CACNA2D3: variants seen among roughly 807,000 people sequenced by gnomAD.
CACNA2D3 encodes the protein calcium voltage-gated channel auxiliary subunit alpha2delta 3, also known as voltage-dependent calcium channel subunit alpha-2/delta-3.
Under a neutral mutation model 160.6 loss-of-function variants are expected in CACNA2D3, and 60 were observed. The observed-to-expected ratio is 0.37, with a 90% CI of 0.30 to 0.46. CACNA2D3 has a LOEUF of 0.46. CACNA2D3 is among the 20% of genes least tolerant of loss of function. The pLI is 1.00. For missense variants in CACNA2D3, 1,205 were observed against 1,365.0 expected (o/e 0.88, Z 1.85); for synonymous variants, 558 against 492.9 (o/e 1.13, Z -1.75).
intron 3 of CACNA2D3, among the ~76,000 whole-genome samples, chr3:54,334,427 C>T (rs1704331348): frequency 6.6e-6 from 1 of 152,164 alleles, no homozygotes; most frequent in South Asian, 2.1e-4. Context: ...AACAGGTTCA[C>T]TTTGGAAGGG....
intron 4 of CACNA2D3, among the ~76,000 whole-genome samples, chr3:54,489,563 A>G (rs1368071593): frequency 1.3e-5 from 2 of 152,232 alleles, no homozygotes; most frequent in African/African-American, 4.8e-5. Flanking sequence ...AAACTTGACT[A>G]TAATCTGGGT....
chr3:54,203,192 C>T (rs1325465143), intron 2 of CACNA2D3, among the ~76,000 whole-genome samples: 1 of 152,188 alleles, frequency 6.6e-6, no homozygotes, highest in Non-Finnish European at 1.5e-5. Context: ...TGGGTGGGCA[C>T]CATCCAATCC....
chr3:55,015,147 G>A (rs1369859334), intron 34 of CACNA2D3, among the ~76,000 whole-genome samples: 2 of 152,294 alleles, frequency 1.3e-5, no homozygotes, highest in Non-Finnish European at 2.9e-5. Context: ...CAATTATCAG[G>A]CTTATTCAAA....
intron 5 of CACNA2D3, among the ~76,000 whole-genome samples, chr3:54,537,495 A>G (rs1387869818): frequency 6.6e-6 from 1 of 152,128 alleles, no homozygotes; most frequent in East Asian, 1.9e-4. Flanking sequence ...ATGCACTTGC[A>G]GGGAAACAGC....
At chr3:54,710,747 A>G (rs1442859281) in intron 11 of CACNA2D3, among the ~76,000 whole-genome samples, 1 of 152,240 alleles carries the variant, frequency 6.6e-6, no homozygotes, top group African/African-American at 2.4e-5. Context: ...ACTGGTAATT[A>G]GAATATTAAT....
At chr3:54,790,006 G>C (rs747204720) in intron 13 of CACNA2D3, 5 of 369,314 alleles carry the variant, frequency 1.4e-5, no homozygotes, top group Non-Finnish European at 2.7e-5. Context: ...TGTATAATGA[G>C]GAATGATTTC....
At chr3:54,868,252 T>TA in intron 17 of CACNA2D3, among the ~76,000 whole-genome samples, 1 of 152,308 alleles carries the variant, frequency 6.6e-6, no homozygotes, top group African/African-American at 2.4e-5. Context: ...GCTTATTCTC[T>TA]AAAAAAGACC....
At chr3:54,758,293 T>A (rs1702013070) in intron 12 of CACNA2D3, among the ~76,000 whole-genome samples, 1 of 152,176 alleles carries the variant, frequency 6.6e-6, no homozygotes. Context: ...ATTTTTAACA[T>A]GGAGTTAGAA....
intron 11 of CACNA2D3, among the ~76,000 whole-genome samples, chr3:54,739,865 A>G (rs1356045908): frequency 6.6e-6 from 1 of 152,052 alleles, no homozygotes; most frequent in Non-Finnish European, 1.5e-5. Context: ...ATAAAGAAAT[A>G]CATATATTTT....
intron 11 of CACNA2D3, among the ~76,000 whole-genome samples, chr3:54,665,786 G>GT (rs1329555582): frequency 4.0e-5 from 6 of 150,380 alleles, no homozygotes; most frequent in African/African-American, 1.5e-4. Context: ...ACAGAGGATG[G>GT]TTATTTTTTT....
chr3:55,000,801 T>G (rs1702964677), intron 31 of CACNA2D3, among the ~76,000 whole-genome samples: 1 of 152,062 alleles, frequency 6.6e-6, no homozygotes, highest in Non-Finnish European at 1.5e-5. Flanking sequence ...GAAAGTTGAT[T>G]CTGGACATTG....
intron 2 of CACNA2D3, among the ~76,000 whole-genome samples, chr3:54,172,406 T>A (rs192550624): frequency 1.1e-4 from 16 of 152,252 alleles, no homozygotes; most frequent in Non-Finnish European, 1.5e-5. Flanking sequence ...ATGTAAACTC[T>A]CCCTAAATCT....
At chr3:54,358,459 G>A (rs1355886163) in intron 3 of CACNA2D3, among the ~76,000 whole-genome samples, 1 of 152,202 alleles carries the variant, frequency 6.6e-6, no homozygotes, top group Non-Finnish European at 1.5e-5. Flanking sequence ...AGTCACTTTG[G>A]CAGGCCACTC....
rs1491160047 is a variant in CACNA2D3, at chr3:54,822,790, C to CTTTCTTTCTTTTCTTTCTTTT, written c.1398+5920_1398+5921insTTTCTTTCTTTTCTTTCTTTT. ...TCTTTCTTTCTTTCTTTCTTTCTTTCCTTTCTTTCTTTCTTTCTTTCTTTC... is the reference window on the plus strand; with the variant it reads ...TCTTTCTTTCTTTCTTTCTTTCTTTCTTTCTTTCTTTTCTTTCTTTTCTTTCTTTCTTTCTTTCTTTCTTTC... On this transcript the variant is annotated intron_variant, in intron 14 of 37. Transcript: ENST00000474759. Among the ~76,000 whole-genome samples, 10 of 71,960 alleles carry CTTTCTTTCTTTTCTTTCTTTT rather than the reference C, an allele frequency of 1.4e-4. 1 individual carries two copies. The highest frequency in any genetic ancestry group is 5.8e-4 in the African/African-American group (10 of 17,276). The allele number at this position is 71,960 out of a possible 152,430, so 47.2% of individuals were successfully genotyped here.
chr3:54,429,568 G>A (rs920347123), intron 4 of CACNA2D3, among the ~76,000 whole-genome samples: 4 of 152,260 alleles, frequency 2.6e-5, no homozygotes, highest in African/African-American at 9.6e-5. Context: ...CTTCTCAGCT[G>A]TGGCTGAGGA....
intron 12 of CACNA2D3, among the ~76,000 whole-genome samples, chr3:54,762,960 T>C (rs1452154898): frequency 2.0e-5 from 3 of 151,330 alleles, no homozygotes; most frequent in African/African-American, 2.4e-5. Context: ...TGGTGGCGGG[T>C]GCCTGTAGTC....
intron 17 of CACNA2D3, among the ~76,000 whole-genome samples, chr3:54,847,437 GA>G (rs1329619471): frequency 6.6e-6 from 1 of 152,162 alleles, no homozygotes; most frequent in Non-Finnish European, 1.5e-5. Context: ...ATCAGAATGA[GA>G]AAGTAGCGGC....
intron 14 of CACNA2D3, among the ~76,000 whole-genome samples, chr3:54,835,916 T>A (rs754421927): frequency 2.0e-5 from 3 of 152,278 alleles, no homozygotes; most frequent in Middle Eastern, 3.4e-3. Context: ...AGTTTTCTGT[T>A]TTGTCTTCAT....
intron 11 of CACNA2D3, among the ~76,000 whole-genome samples, chr3:54,721,132 A>C (rs1435898211): frequency 6.6e-6 from 1 of 152,146 alleles, no homozygotes; most frequent in African/African-American, 2.4e-5. Flanking sequence ...TTAATATTAG[A>C]GTCTATATTA....
Sources: gnomAD v4.1 joint callset for allele counts (sites outside exome capture counted in the v4.1 genomes callset) on GRCh38, gnomAD v4.1.1 for gene constraint, MANE v1.5 for transcripts, NCBI Gene and HGNC (gene_info 2026-07-23, HGNC 2026-07-21) for gene names.